Variants in MICU3 observed in about 807,000 individuals in gnomAD.
MICU3 encodes the protein mitochondrial calcium uptake 3, also known as calcium uptake protein 3, mitochondrial.
A neutral mutation model predicts 66.5 loss-of-function variants in MICU3; 62 were observed. The observed-to-expected ratio is 0.93, with a 90% CI of 0.76 to 1.15. The LOEUF (loss-of-function observed/expected upper bound fraction) is 1.15, where lower values mean the gene tolerates loss of function less well. MICU3 is among the 50% of genes most tolerant of loss of function. The pLI is 0.00. For synonymous variants in MICU3, 308 were observed against 240.7 expected (o/e 1.28, Z -2.59); for missense variants, 779 against 664.4 (o/e 1.17, Z -1.90).
At chr8:17,030,167 T>C (rs915591339) in intron 1 of MICU3, among the ~76,000 whole-genome samples, 1 of 152,240 alleles carries the variant, frequency 6.6e-6, no homozygotes, top group Admixed American at 6.5e-5. Context: ...TTGTTTTGCC[T>C]TCTAAGGATA....
At chr8:17,110,766 T>G (rs1005150010) in intron 11 of MICU3, among the ~76,000 whole-genome samples, 10 of 151,746 alleles carry the variant, frequency 6.6e-5, no homozygotes, top group South Asian at 4.2e-4. Flanking sequence ...CAGGGTTTTT[T>G]TTTGTTTGTT....
chr8:17,112,294 GT>G (rs1362494122), intron 11 of MICU3, among the ~76,000 whole-genome samples: 1 of 152,116 alleles, frequency 6.6e-6, no homozygotes, highest in Non-Finnish European at 1.5e-5. Flanking sequence ...AGTTATCATT[GT>G]TTTATTTTTG....
downstream of MICU3, among the ~76,000 whole-genome samples, chr8:17,123,126 A>C (rs1264311862): frequency 6.6e-6 from 1 of 152,142 alleles, no homozygotes; most frequent in Non-Finnish European, 1.5e-5. Context: ...ATAAGAAATC[A>C]CTGTGGTTTG....
intron 7 of MICU3, 94 bp downstream of exon 7, chr8:17,087,129 A>G: frequency 1.2e-6 from 1 of 853,852 alleles, no homozygotes; most frequent in South Asian, 1.7e-5. Flanking sequence ...GTAACTTTGA[A>G]GCTGTCCCTT....
At chr8:17,058,264 C>A (rs1185198793) in intron 1 of MICU3, among the ~76,000 whole-genome samples, 1 of 152,058 alleles carries the variant, frequency 6.6e-6, no homozygotes, top group African/African-American at 2.4e-5. Context: ...TGGAAATTAA[C>A]CTTTAAAAGA....
In MICU3 at chr8:17,044,585, C is replaced by T. The variant is rs1040072085; in HGVS notation, c.381+16925C>T. On this transcript the variant is annotated intron_variant, in intron 1 of 14. Transcript: ENST00000318063. ...TATATTGATTGACTGATTCACAGTA[C>T]TACATCCTAGTCCAAAAGCAATGTG... Among the ~76,000 whole-genome samples, 3 of 152,176 alleles carry T rather than the reference C, an allele frequency of 2.0e-5. No individual in the cohort carries two copies. The East Asian group carries it at 5.8e-4, about 29-fold the overall frequency.
rs116505350 is a variant in MICU3, at chr8:17,062,282, A to G, written c.382-1802A>G. On this transcript the variant is annotated intron_variant, in intron 1 of 14. Coordinates refer to ENST00000318063, the MANE Select transcript of MICU3 (RefSeq NM_181723.3). The stretch of plus-strand genomic sequence containing the variant: ...GCCCAGCCTATGGCACCTTTCTTCT[A>G]TTTGCTTGCATTTAACCCATTCCGT... Among the ~76,000 whole-genome samples the G allele has an allele frequency of 4.3e-3, 654 of 152,004 alleles. 5 individuals carry two copies. Among genetic ancestry groups the G allele is most frequent in the African/African-American group, 0.015 (627 of 41,464 alleles).
the MICU3 span, among the ~76,000 whole-genome samples, chr8:17,136,615 T>C: frequency 6.6e-6 from 1 of 152,172 alleles, no homozygotes; most frequent in East Asian, 1.9e-4. Context: ...CTACCCTCTG[T>C]CTTGCCAAGG....
At chr8:17,071,833 A>G (rs1190060711) in intron 3 of MICU3, among the ~76,000 whole-genome samples, 1 of 152,208 alleles carries the variant, frequency 6.6e-6, no homozygotes, top group African/African-American at 2.4e-5. Context: ...AACAAGAACT[A>G]TTAGGTACTT....
intron 9 of MICU3, among the ~76,000 whole-genome samples, chr8:17,103,869 T>G (rs1263905595): frequency 6.6e-6 from 1 of 151,962 alleles, no homozygotes; most frequent in East Asian, 1.9e-4. Context: ...CAGTATCCAT[T>G]TAAAGTATCA....
chr8:17,037,006 C>G (rs9942818), intron 1 of MICU3, among the ~76,000 whole-genome samples: 61,664 of 152,152 alleles, frequency 0.41, 16,295 homozygotes, highest in African/African-American at 0.76. Flanking sequence ...GCGCAGCGCC[C>G]GTGGGCTGGC....
chr8:17,058,978 G>A (rs1395331738), intron 1 of MICU3, among the ~76,000 whole-genome samples: 2 of 152,160 alleles, frequency 1.3e-5, no homozygotes, highest in Non-Finnish European at 2.9e-5. Context: ...TTTAGTTAAT[G>A]TTGGTAATCT....
chr8:17,096,123 C>T (rs1388015260), intron 8 of MICU3, among the ~76,000 whole-genome samples: 1 of 151,866 alleles, frequency 6.6e-6, no homozygotes, highest in Non-Finnish European at 1.5e-5. Context: ...ACAAAGATAA[C>T]CGAGAAAACT....
intron 8 of MICU3, chr8:17,090,818 A>C (rs1799967810): frequency 5.7e-6 from 2 of 348,622 alleles, no homozygotes; most frequent in South Asian, 8.6e-5. Context: ...AAATAAGGAA[A>C]AGGTAAGTGT....
chr8:17,083,198 A>G (rs938634095), intron 5 of MICU3, among the ~76,000 whole-genome samples: 1 of 152,034 alleles, frequency 6.6e-6, no homozygotes, highest in Non-Finnish European at 1.5e-5. Flanking sequence ...CTGCGTGAGG[A>G]CCACAAGACC....
intron 1 of MICU3, among the ~76,000 whole-genome samples, chr8:17,061,883 T>A (rs1003256376): frequency 1.3e-5 from 2 of 152,150 alleles, no homozygotes; most frequent in African/African-American, 4.8e-5. Flanking sequence ...GTATCTCATG[T>A]CTCACCCACG....
At chr8:17,047,507 A>G (rs1284351399) in intron 1 of MICU3, among the ~76,000 whole-genome samples, 2 of 152,228 alleles carry the variant, frequency 1.3e-5, no homozygotes, top group African/African-American at 4.8e-5. Context: ...TCAGATTCAT[A>G]TGTCCTGAGC....
At chr8:17,060,750 C>T (rs1022935026) in intron 1 of MICU3, among the ~76,000 whole-genome samples, 7 of 152,042 alleles carry the variant, frequency 4.6e-5, no homozygotes, top group African/African-American at 1.4e-4. Context: ...CCCTTTTAAG[C>T]ACCAGGCCTC....
At chr8:17,050,330 AATATT>A (rs997120327) in intron 1 of MICU3, among the ~76,000 whole-genome samples, 18 of 151,580 alleles carry the variant, frequency 1.2e-4, no homozygotes, top group African/African-American at 4.4e-4. Flanking sequence ...TATTTTATTT[AATATT>A]ATATTTAGGA....
Sources: gnomAD v4.1 joint callset for allele counts (sites outside exome capture counted in the v4.1 genomes callset) on GRCh38, gnomAD v4.1.1 for gene constraint, MANE v1.5 for transcripts, NCBI Gene and HGNC (gene_info 2026-07-23, HGNC 2026-07-21) for gene names.